The following SLC35F3 variants were observed in gnomAD, a reference collection of about 807,000 sequenced individuals.
The protein encoded by SLC35F3 is putative thiamine transporter SLC35F3.
Under a neutral mutation model 49.9 loss-of-function variants are expected in SLC35F3, and 25 were observed. That is an observed-to-expected ratio of 0.50 (90% CI 0.37 to 0.70). SLC35F3 has a LOEUF of 0.70. Ranked by LOEUF, SLC35F3 falls within the 30% of genes least tolerant of loss-of-function variation. The probability of loss-of-function intolerance (pLI) is 0.00; values close to 1 mark genes in which losing one functional copy is unlikely to be tolerated. For synonymous variants in SLC35F3, 275 were observed against 265.4 expected (o/e 1.04, Z -0.35); for missense variants, 525 against 639.8 (o/e 0.82, Z 1.94).
chr1:234,001,293 G>A (rs1663550367), intron 2 of SLC35F3, among the ~76,000 whole-genome samples: 1 of 152,158 alleles, frequency 6.6e-6, no homozygotes, highest in African/African-American at 2.4e-5. Flanking sequence ...AGTAATGCAG[G>A]TGGCATCTTT....
chr1:234,255,604 T>C (rs1667809112), intron 3 of SLC35F3, among the ~76,000 whole-genome samples: 1 of 152,234 alleles, frequency 6.6e-6, no homozygotes, highest in Non-Finnish European at 1.5e-5. Context: ...AGAACCAAGA[T>C]GTCCCTTGGA....
intron 4 of SLC35F3, among the ~76,000 whole-genome samples, chr1:234,315,840 T>C (rs944592235): frequency 1.3e-5 from 2 of 152,208 alleles, no homozygotes; most frequent in African/African-American, 2.4e-5. Flanking sequence ...TGCTGGTGCA[T>C]TTTCTCCTTT....
intron 2 of SLC35F3, among the ~76,000 whole-genome samples, chr1:233,991,751 C>A (rs1452934105): frequency 6.6e-6 from 1 of 152,186 alleles, no homozygotes; most frequent in Non-Finnish European, 1.5e-5. Flanking sequence ...TTCAAAGGTA[C>A]CTTTCATGCA....
intron 3 of SLC35F3, among the ~76,000 whole-genome samples, chr1:234,281,656 A>C (rs978895183): frequency 3.3e-5 from 5 of 152,270 alleles, no homozygotes; most frequent in Admixed American, 6.5e-5. Context: ...CTATGCAAAC[A>C]AAGTAGGCAG....
chr1:234,207,429 T>C (rs76856446), intron 2 of SLC35F3, among the ~76,000 whole-genome samples: 10 of 364 alleles, frequency 0.027, no homozygotes, highest in African/African-American at 0.056. Flanking sequence ...TCCCTCCCTC[T>C]TTCCTGCTTC....
At chr1:234,057,754 G>A (rs1417535828) in intron 2 of SLC35F3, among the ~76,000 whole-genome samples, 1 of 152,138 alleles carries the variant, frequency 6.6e-6, no homozygotes, top group Non-Finnish European at 1.5e-5. Context: ...TGCCCAGGCT[G>A]TAATGCAGTG....
intron 2 of SLC35F3, among the ~76,000 whole-genome samples, chr1:234,188,709 T>C (rs1409414811): frequency 6.6e-6 from 1 of 152,050 alleles, no homozygotes; most frequent in Admixed American, 6.5e-5. Flanking sequence ...TGATGCTCTC[T>C]CGAAAGCGCC....
At chr1:234,281,133 A>C (rs1668319314) in intron 3 of SLC35F3, among the ~76,000 whole-genome samples, 1 of 151,954 alleles carries the variant, frequency 6.6e-6, no homozygotes, top group Admixed American at 6.6e-5. Context: ...CCAGTACTTC[A>C]GAATGTAACT....
At position 233,919,133 on chromosome 1, in the gene SLC35F3, G is replaced by A. The variant is rs1489886594; in HGVS notation, c.283+13375G>A. ...TCATTGCTTCAGCCAATGGCCTTAC[G>A]TAATTCAGGCTTGAAAGGGAAATAC... is the stretch of plus-strand genomic sequence containing the variant. On this transcript the variant is annotated intron_variant, in intron 2 of 7. Coordinates refer to ENST00000366618, the MANE Select transcript of SLC35F3 (RefSeq NM_173508.4). Among the ~76,000 whole-genome samples, 6 of 152,230 alleles carry A rather than the reference G, an allele frequency of 3.9e-5. 1 individual carries two copies. Among genetic ancestry groups the A allele is most frequent in the South Asian group, 4.2e-4 (2 of 4,818 alleles).
intron 2 of SLC35F3, among the ~76,000 whole-genome samples, chr1:233,997,149 C>T (rs1025153126): frequency 6.6e-6 from 1 of 152,268 alleles, no homozygotes; most frequent in South Asian, 2.1e-4. Flanking sequence ...TCTCCACTCC[C>T]CTGTGGTTGA....
intron 3 of SLC35F3, among the ~76,000 whole-genome samples, chr1:234,308,404 T>C (rs1657259592): frequency 6.6e-6 from 1 of 152,186 alleles, no homozygotes; most frequent in Non-Finnish European, 1.5e-5. Context: ...TGGCTTTGAA[T>C]GAGGCCCAAC....
At chr1:234,196,985 G>T (rs991251135) in intron 2 of SLC35F3, among the ~76,000 whole-genome samples, 2 of 152,182 alleles carry the variant, frequency 1.3e-5, no homozygotes, top group African/African-American at 2.4e-5. Context: ...CTGGACATTA[G>T]TTAAGGCAGT....
In SLC35F3 at chr1:234,288,531, T is replaced by C. The variant is rs559737499; in HGVS notation, c.609-20570T>C. 2.8e-4 allele frequency among the ~76,000 whole-genome samples: 43 copies of C among 152,342 alleles called. No individual in the cohort carries two copies. In the South Asian group the frequency reaches 8.5e-3, roughly 30 times the overall value. On this transcript the variant is annotated intron_variant, in intron 3 of 7. Transcript: ENST00000366618. ...TATGTCTGTTGGCAGCATGAGAGAT[T>C]AGACTCAAGCCTCAAAGGATTTCCC...
chr1:234,095,443 C>T (rs1399743595), intron 2 of SLC35F3, among the ~76,000 whole-genome samples: 1 of 151,624 alleles, frequency 6.6e-6, no homozygotes, highest in Non-Finnish European at 1.5e-5. Flanking sequence ...AGGGAACCAG[C>T]ACATGCAAAG....
chr1:234,299,876 A>G (rs1231287105), intron 3 of SLC35F3, among the ~76,000 whole-genome samples: 1 of 151,936 alleles, frequency 6.6e-6, no homozygotes, highest in Non-Finnish European at 1.5e-5. Context: ...TTTTACCACA[A>G]TTAAAAATTT....
At chr1:234,143,002 A>G (rs1237930073) in intron 2 of SLC35F3, among the ~76,000 whole-genome samples, 9 of 152,210 alleles carry the variant, frequency 5.9e-5, no homozygotes, top group Admixed American at 5.9e-4. Flanking sequence ...ATTACAGTCA[A>G]GCAAATTAAC....
chr1:233,913,098 GAGC>G (rs1442590030), intron 2 of SLC35F3, among the ~76,000 whole-genome samples: 1 of 152,178 alleles, frequency 6.6e-6, no homozygotes, highest in Admixed American at 6.5e-5. Context: ...AGTGCCTGGG[GAGC>G]CCTTTCTCAT....
Position 233,905,679 on chromosome 1 carries a change from G to A in SLC35F3, c.204G>A (p.Val68=), listed in dbSNP as rs757515093. 9 of 1,614,032 alleles carry A rather than the reference G, an allele frequency of 5.6e-6. No individual in the cohort carries two copies. Among genetic ancestry groups the A allele is most frequent in the African/African-American group, 2.7e-5 (2 of 74,944 alleles). ...TGGAGGATCTCACCAGCGGGCCGGT[G>A]GGGCTCACGTCCATCGAGGAGCGGA... ...RSVEDLTSGP[V]GLTSIEERIL... The change falls in exon 2 of 8, where the codon GTG becomes GTA. Residue 68 remains valine (V), a synonymous_variant. Coordinates refer to ENST00000366618, the MANE Select transcript of SLC35F3 (RefSeq NM_173508.4).
chr1:234,067,747 C>T (rs950695442), intron 2 of SLC35F3, among the ~76,000 whole-genome samples: 3 of 152,220 alleles, frequency 2.0e-5, no homozygotes, highest in Admixed American at 2.0e-4. Context: ...CAGATGACTG[C>T]AGCTGCATGC....
Sources: allele counts gnomAD v4.1 joint callset (sites outside exome capture counted in the v4.1 genomes callset), GRCh38; gene constraint gnomAD v4.1.1; transcripts MANE v1.5; gene names NCBI Gene and HGNC (gene_info 2026-07-23, HGNC 2026-07-21).